Variants in KRABD4 observed in about 807,000 individuals in gnomAD.
KRABD4 encodes KRAB domain-containing protein 4.
chrX:46,462,456 G>A, the KRABD4 span: 1 of 296,373 alleles, frequency 3.4e-6, no homozygotes, highest in Non-Finnish European at 6.0e-6. Flanking sequence ...GTTGCAATGA[G>A]CCAAGATTAT....
At chrX:46,467,662 G>A in the KRABD4 span, among the ~76,000 whole-genome samples, 1 of 111,636 alleles carries the variant, frequency 9.0e-6, no homozygotes, top group African/African-American at 3.3e-5. Flanking sequence ...GTATATAGGG[G>A]GATCTCATTG....
the KRABD4 span, chrX:46,473,658 T>A: frequency 4.8e-5 from 2 of 41,365 alleles, no homozygotes; most frequent in Non-Finnish European, 7.3e-5. Flanking sequence ...AGTGAATCTT[T>A]TTTTTTTTTT....
chrX:46,464,326 G>A, the KRABD4 span, among the ~76,000 whole-genome samples: 2 of 112,171 alleles, frequency 1.8e-5, no homozygotes, highest in East Asian at 5.6e-4. Context: ...GCACTAAGTA[G>A]AAAATCAGAA....
the KRABD4 span, among the ~76,000 whole-genome samples, chrX:46,465,498 T>C: frequency 8.9e-6 from 1 of 112,887 alleles, no homozygotes; most frequent in African/African-American, 3.2e-5. Context: ...AAAACTGAAT[T>C]TTCAGAAATT....
the KRABD4 span, among the ~76,000 whole-genome samples, chrX:46,469,437 A>G: frequency 8.9e-6 from 1 of 112,154 alleles, no homozygotes; most frequent in East Asian, 2.8e-4. Context: ...ATGTTCTTAC[A>G]AGGTAATATA....
At chrX:46,451,401 G>A in the KRABD4 span, among the ~76,000 whole-genome samples, 1 of 111,991 alleles carries the variant, frequency 8.9e-6, no homozygotes, top group Admixed American at 9.4e-5. Flanking sequence ...TTTCTGGGTG[G>A]TGTTCCTTGT....
chrX:46,455,271 T>A, the KRABD4 span: 1 of 842,710 alleles, frequency 1.2e-6, no homozygotes, highest in Middle Eastern at 2.8e-4. Flanking sequence ...CGTGCTTCTG[T>A]CTTTCTTTGT....
chrX:46,454,079 C>A, the KRABD4 span: 2 of 132,834 alleles, frequency 1.5e-5, no homozygotes, highest in Non-Finnish European at 1.6e-5. Flanking sequence ...AACCTAAAAT[C>A]ACTTCATGTG....
the KRABD4 span, among the ~76,000 whole-genome samples, chrX:46,460,037 G>A: frequency 8.9e-6 from 1 of 112,425 alleles, no homozygotes; most frequent in Non-Finnish European, 1.9e-5. Flanking sequence ...TGACTGATGG[G>A]CCACAAATTG....
chrX:46,450,952 C>T, the KRABD4 span, among the ~76,000 whole-genome samples: 1 of 110,726 alleles, frequency 9.0e-6, no homozygotes, highest in East Asian at 2.8e-4. Flanking sequence ...ATCCCCCCAC[C>T]TCGGCCTCCA....
the KRABD4 span, among the ~76,000 whole-genome samples, chrX:46,451,125 A>G: frequency 1.7e-4 from 19 of 111,578 alleles, no homozygotes; most frequent in South Asian, 7.5e-4. Context: ...GGTCTTTTTC[A>G]TCATTCATAT....
chrX:46,465,621 T>G, the KRABD4 span, among the ~76,000 whole-genome samples: 1 of 112,609 alleles, frequency 8.9e-6, no homozygotes, highest in Admixed American at 9.4e-5. Flanking sequence ...TTTTTTAATT[T>G]AATGTGGTTG....
chrX:46,471,302 A>AC, the KRABD4 span: 5 of 795,197 alleles, frequency 6.3e-6, no homozygotes, highest in Non-Finnish European at 8.7e-6. Context: ...GTCTGAAATT[A>AC]ATGTAATTTC....
the KRABD4 span, chrX:46,473,058 T>C: frequency 8.3e-7 from 1 of 1,207,933 alleles, no homozygotes; most frequent in Non-Finnish European, 1.1e-6. Flanking sequence ...ATAATCTTCA[T>C]AAAGCTCAAC....
At chrX:46,455,287 T>C in the KRABD4 span, 32 of 751,217 alleles carry the variant, frequency 4.3e-5, no homozygotes, top group South Asian at 7.4e-4. Context: ...TTTGTCTTCC[T>C]GAGACAAGTA....
chrX:46,472,743 C>G, the KRABD4 span: 12 of 1,205,189 alleles, frequency 1.0e-5, no homozygotes, highest in Admixed American at 2.2e-5. Flanking sequence ...CATTCATTTT[C>G]TTCTAGAAGT....
the KRABD4 span, among the ~76,000 whole-genome samples, chrX:46,447,766 C>A: frequency 8.9e-6 from 1 of 112,234 alleles, no homozygotes; most frequent in African/African-American, 3.2e-5. Context: ...GGCTTGACAA[C>A]CTGTCCAAAG....
chrX:46,457,933 G>A, the KRABD4 span, among the ~76,000 whole-genome samples: 1 of 110,403 alleles, frequency 9.1e-6, no homozygotes, highest in Non-Finnish European at 1.9e-5. Flanking sequence ...GTAGAGATGA[G>A]GTTTCACCAT....
At chrX:46,465,583 ATTG>A in the KRABD4 span, among the ~76,000 whole-genome samples, 1 of 112,810 alleles carries the variant, frequency 8.9e-6, no homozygotes, top group Admixed American at 9.3e-5. Flanking sequence ...CACTATTTTT[ATTG>A]TTGTTATTAT....
Sources: allele counts gnomAD v4.1 joint callset (sites outside exome capture counted in the v4.1 genomes callset), GRCh38; gene constraint gnomAD v4.1.1; transcripts MANE v1.5; gene names NCBI Gene and HGNC (gene_info 2026-07-23, HGNC 2026-07-21).